FOXP2: variants seen among roughly 807,000 people sequenced by gnomAD.
FOXP2 encodes the protein forkhead box P2, also known as forkhead box protein P2.
FOXP2 carries 12 observed loss-of-function variants against 115.8 expected under a neutral mutation model. The ratio of observed to expected loss-of-function variants is 0.10; its 90% CI spans 0.07 to 0.17. The LOEUF is 0.17. FOXP2 is among the 10% of genes least tolerant of loss of function. The probability of loss-of-function intolerance (pLI) is 1.00; values close to 1 mark genes in which losing one functional copy is unlikely to be tolerated. For synonymous variants in FOXP2, 328 were observed against 297.7 expected, an observed-to-expected ratio of 1.10 and a Z score of -1.05; for missense variants, 629 against 843.5, an observed-to-expected ratio of 0.75 and a Z score of 3.15.
chr7:114,172,266 C>A (rs988469878), intron 1 of FOXP2, among the ~76,000 whole-genome samples: 5 of 152,070 alleles, frequency 3.3e-5, no homozygotes, highest in African/African-American at 9.7e-5. Context: ...GATAACTGAA[C>A]CTGCGATACC....
chr7:114,240,217 TG>T (rs1311855729), intron 1 of FOXP2, among the ~76,000 whole-genome samples: 1 of 152,170 alleles, frequency 6.6e-6, no homozygotes, highest in Admixed American at 6.5e-5. Context: ...TTCACCTTTT[TG>T]TTGGTTGGGG....
At chr7:114,290,092 G>A (rs1371229438) in intron 2 of FOXP2, among the ~76,000 whole-genome samples, 1 of 151,840 alleles carries the variant, frequency 6.6e-6, no homozygotes. Flanking sequence ...GTATTCTTGT[G>A]AAAATTTAGC....
chr7:114,515,836 G>A (rs1047260143), intron 2 of FOXP2, among the ~76,000 whole-genome samples: 2 of 152,062 alleles, frequency 1.3e-5, no homozygotes, highest in Non-Finnish European at 2.9e-5. Context: ...AAAATACCGA[G>A]GAATCCAACT....
chr7:114,340,486 T>G (rs1260273249), intron 2 of FOXP2, among the ~76,000 whole-genome samples: 1 of 151,198 alleles, frequency 6.6e-6, no homozygotes, highest in Non-Finnish European at 1.5e-5. Context: ...CCATATATTT[T>G]GTTAATTTTG....
At chr7:114,406,605 T>A (rs1793042857) in intron 2 of FOXP2, among the ~76,000 whole-genome samples, 1 of 151,968 alleles carries the variant, frequency 6.6e-6, no homozygotes, top group Non-Finnish European at 1.5e-5. Context: ...ACTTTCTCAC[T>A]TACATAATGC....
At chr7:114,553,834 A>T (rs1800326340) in intron 3 of FOXP2, among the ~76,000 whole-genome samples, 1 of 152,156 alleles carries the variant, frequency 6.6e-6, no homozygotes, top group Non-Finnish European at 1.5e-5. Context: ...AAATATCAAA[A>T]AGATACCACA....
chr7:114,513,142 C>G (rs1408379745), intron 2 of FOXP2, among the ~76,000 whole-genome samples: 3 of 152,058 alleles, frequency 2.0e-5, no homozygotes, highest in Non-Finnish European at 4.4e-5. Context: ...CTCAACCTCT[C>G]TAGGACTACT....
intron 3 of FOXP2, among the ~76,000 whole-genome samples, chr7:114,545,244 C>T (rs2129283589): frequency 6.6e-6 from 1 of 152,254 alleles, no homozygotes; most frequent in South Asian, 2.1e-4. Context: ...AAAGGCTGAA[C>T]TAGTGATACT....
At chr7:114,190,901 T>C (rs1793741907) in intron 1 of FOXP2, among the ~76,000 whole-genome samples, 1 of 152,086 alleles carries the variant, frequency 6.6e-6, no homozygotes, top group Non-Finnish European at 1.5e-5. Context: ...AGGTATCTGG[T>C]TGTGTGAAGT....
chr7:114,683,434 C>T (rs370635968), intron 16 of FOXP2, among the ~76,000 whole-genome samples: 27 of 152,236 alleles, frequency 1.8e-4, no homozygotes, highest in African/African-American at 6.3e-4. Flanking sequence ...TTTGCTGTGC[C>T]TGTATGCAGA....
At chr7:114,540,620 C>A (rs184920491) in intron 3 of FOXP2, among the ~76,000 whole-genome samples, 2 of 151,998 alleles carry the variant, frequency 1.3e-5, no homozygotes, top group African/African-American at 4.8e-5. Context: ...ACAGAAAGAA[C>A]AATAAGCATT....
chr7:114,523,437 T>C (rs1156767795), intron 2 of FOXP2, among the ~76,000 whole-genome samples: 2 of 152,160 alleles, frequency 1.3e-5, no homozygotes, highest in African/African-American at 4.8e-5. Flanking sequence ...CCAGCCTCGG[T>C]GACATATGCA....
chr7:114,318,788 A>T (rs942252523), intron 2 of FOXP2, among the ~76,000 whole-genome samples: 5 of 152,024 alleles, frequency 3.3e-5, no homozygotes, highest in Non-Finnish European at 5.9e-5. Flanking sequence ...AGAGCTACTC[A>T]TACATACAAA....
At chr7:114,105,767 C>T (rs913013184) in intron 1 of FOXP2, among the ~76,000 whole-genome samples, 13 of 151,910 alleles carry the variant, frequency 8.6e-5, no homozygotes, top group Non-Finnish European at 1.3e-4. Flanking sequence ...GCTGACGAGA[C>T]GATTAAGGCA....
chr7:114,497,805 G>A (rs1199180786), intron 2 of FOXP2, among the ~76,000 whole-genome samples: 1 of 151,998 alleles, frequency 6.6e-6, no homozygotes, highest in Non-Finnish European at 1.5e-5. Flanking sequence ...AAAGGTAAGA[G>A]AACAATTTTA....
At chr7:114,212,119 TAAA>T (rs368102870) in intron 1 of FOXP2, among the ~76,000 whole-genome samples, 1,010 of 48,310 alleles carry the variant, frequency 0.021, 8 homozygotes, top group East Asian at 0.052. Context: ...TAAAATAAAA[TAAA>T]ATATATATAT....
At chr7:114,233,113 A>G (rs577742531) in intron 1 of FOXP2, among the ~76,000 whole-genome samples, 2 of 152,270 alleles carry the variant, frequency 1.3e-5, no homozygotes, top group East Asian at 3.9e-4. Flanking sequence ...TGTTGTTAAC[A>G]ATACTCTTCA....
At chr7:114,637,802 C>T (rs1161676062) in intron 6 of FOXP2, among the ~76,000 whole-genome samples, 1 of 152,028 alleles carries the variant, frequency 6.6e-6, no homozygotes, top group African/African-American at 2.4e-5. Context: ...GAGTAATGAC[C>T]TGAAAATGAG....
At chr7:114,300,505 C>G (rs1403728122) in intron 2 of FOXP2, among the ~76,000 whole-genome samples, 1 of 151,594 alleles carries the variant, frequency 6.6e-6, no homozygotes, top group Non-Finnish European at 1.5e-5. Context: ...TTCATCAAAC[C>G]CATTTTTTTC....
Sources: gnomAD v4.1 joint callset for allele counts (sites outside exome capture counted in the v4.1 genomes callset) on GRCh38, gnomAD v4.1.1 for gene constraint, MANE v1.5 for transcripts, NCBI Gene and HGNC (gene_info 2026-07-23, HGNC 2026-07-21) for gene names.